Variants in FHIP1A observed in about 807,000 individuals in gnomAD.
The protein encoded by FHIP1A is FHF complex subunit HOOK-interacting protein 1A.
A neutral mutation model predicts 88.6 loss-of-function variants in FHIP1A; 61 were observed. That is an observed-to-expected ratio of 0.69 (90% CI 0.56 to 0.85). The LOEUF (loss-of-function observed/expected upper bound fraction) is 0.85. FHIP1A is among the 40% of genes least tolerant of loss of function. FHIP1A has a pLI of 0.00. For synonymous variants in FHIP1A, 478 were observed against 496.0 expected (o/e 0.96, Z 0.48); for missense variants, 1,154 against 1,273.5 (o/e 0.91, Z 1.43).
In FHIP1A at chr4:151,662,879, G is replaced by T; in HGVS notation, c.*125G>T. Reference sequence around the variant, plus strand: ...TGTTTCCTGACAATACTTGATTTGTGGGGAGGGGAATTTTCTGTATCTTTC... The same window carrying T: ...TGTTTCCTGACAATACTTGATTTGTTGGGAGGGGAATTTTCTGTATCTTTC... On this transcript the variant is annotated 3_prime_UTR_variant, in exon 14 of 14. Transcript: ENST00000435205. 1.1e-6 allele frequency: 1 copy of T among 952,012 alleles called. No individual in the cohort carries two copies. The highest frequency in any genetic ancestry group is 1.5e-6 in the Non-Finnish European group (1 of 679,710). The allele number at this position is 952,012 out of a possible 1,614,324, so 59.0% of individuals were successfully genotyped here.
chr4:151,454,828 C>T lies in FHIP1A; in HGVS notation c.-248+20C>T, dbSNP rs373896511. On this transcript the variant is annotated intron_variant, in intron 2 of 13. Transcript: ENST00000435205. ...GTTGAGGTAGGAATATTTATAAATACGTTCCTTAACTTTTAGCTTGTGTGT... is the reference window on the plus strand; with the variant it reads ...GTTGAGGTAGGAATATTTATAAATATGTTCCTTAACTTTTAGCTTGTGTGT... 1 of 152,028 alleles carries T rather than the reference C, an allele frequency of 6.6e-6. No individual in the cohort carries two copies. The allele number at this position is 152,028 out of a possible 1,614,324, so 9.4% of individuals were successfully genotyped here.
At chr4:151,521,450 A>G (rs1004153377) in intron 3 of FHIP1A, among the ~76,000 whole-genome samples, 2 of 152,152 alleles carry the variant, frequency 1.3e-5, no homozygotes, top group African/African-American at 2.4e-5. Context: ...GGACTACTAT[A>G]CTGGAAAACT....
intron 3 of FHIP1A, among the ~76,000 whole-genome samples, chr4:151,485,133 A>G (rs1018869222): frequency 2.6e-5 from 4 of 152,332 alleles, no homozygotes; most frequent in African/African-American, 7.2e-5. Context: ...CATTTTGCAC[A>G]TATCTTTTCA....
At chr4:151,412,442 C>G (rs1224620829) in intron 1 of FHIP1A, among the ~76,000 whole-genome samples, 1 of 152,114 alleles carries the variant, frequency 6.6e-6, no homozygotes, top group East Asian at 1.9e-4. Context: ...CTCTTTGCTC[C>G]TGTATATTGT....
intron 4 of FHIP1A, among the ~76,000 whole-genome samples, chr4:151,568,247 C>G (rs982460780): frequency 2.0e-5 from 3 of 152,176 alleles, no homozygotes; most frequent in South Asian, 2.1e-4. Context: ...ACATAGTACT[C>G]TCAGTGCAGA....
intron 5 of FHIP1A, among the ~76,000 whole-genome samples, chr4:151,585,729 A>G (rs1282793785): frequency 6.6e-6 from 1 of 152,340 alleles, no homozygotes; most frequent in East Asian, 1.9e-4. Flanking sequence ...TTGGTGACCA[A>G]GTTGGGTAAG....
chr4:151,591,447 T>C (rs1414133778), intron 7 of FHIP1A, among the ~76,000 whole-genome samples: 1 of 152,108 alleles, frequency 6.6e-6, no homozygotes, highest in East Asian at 1.9e-4. Context: ...TAATTCTTTA[T>C]TTATTTTTAT....
intron 7 of FHIP1A, among the ~76,000 whole-genome samples, chr4:151,626,784 C>G (rs1327416045): frequency 6.6e-6 from 1 of 152,164 alleles, no homozygotes; most frequent in Non-Finnish European, 1.5e-5. Flanking sequence ...GCTGATTGTC[C>G]TCCATAATGG....
intron 7 of FHIP1A, among the ~76,000 whole-genome samples, chr4:151,594,087 A>G (rs1734551012): frequency 1.3e-5 from 2 of 152,218 alleles, no homozygotes; most frequent in South Asian, 2.1e-4. Context: ...ATGTTGAACC[A>G]GCCTTGCATC....
At chr4:151,412,595 C>A (rs1732698682) in intron 1 of FHIP1A, among the ~76,000 whole-genome samples, 1 of 139,306 alleles carries the variant, frequency 7.2e-6, no homozygotes, top group African/African-American at 2.8e-5. Flanking sequence ...TTCCTTCCTT[C>A]CTTCCTTCCT....
chr4:151,492,184 A>T (rs1248121461), intron 3 of FHIP1A, among the ~76,000 whole-genome samples: 1 of 152,156 alleles, frequency 6.6e-6, no homozygotes, highest in Non-Finnish European at 1.5e-5. Context: ...ATTCCACCCA[A>T]CAACTGCAGA....
intron 3 of FHIP1A, among the ~76,000 whole-genome samples, chr4:151,514,716 A>C (rs1292438351): frequency 6.6e-6 from 1 of 152,034 alleles, no homozygotes; most frequent in African/African-American, 2.4e-5. Flanking sequence ...GAAATGGATA[A>C]ATTCCTCGAC....
At chr4:151,557,756 G>A (rs1317996051) in intron 3 of FHIP1A, among the ~76,000 whole-genome samples, 2 of 152,180 alleles carry the variant, frequency 1.3e-5, no homozygotes, top group Non-Finnish European at 2.9e-5. Context: ...TTTCTTGGAA[G>A]TACAGCATGG....
chr4:151,459,812 A>G (rs1729086748), intron 2 of FHIP1A, among the ~76,000 whole-genome samples: 1 of 152,174 alleles, frequency 6.6e-6, no homozygotes, highest in Non-Finnish European at 1.5e-5. Flanking sequence ...AAGTGTTAAT[A>G]CCCTTGTTGT....
intron 7 of FHIP1A, among the ~76,000 whole-genome samples, chr4:151,613,586 CA>C (rs143348196): frequency 1.3e-5 from 2 of 151,880 alleles, no homozygotes; most frequent in South Asian, 2.1e-4. Context: ...AACTAGGTTA[CA>C]AAAAAAAGCT....
At chr4:151,654,476 A>G (rs1737154841) in intron 11 of FHIP1A, among the ~76,000 whole-genome samples, 1 of 152,134 alleles carries the variant, frequency 6.6e-6, no homozygotes, top group South Asian at 2.1e-4. Flanking sequence ...GGATCATTTT[A>G]TGGTCATATG....
At chr4:151,437,926 ATATTT>A (rs1247641655) in intron 1 of FHIP1A, among the ~76,000 whole-genome samples, 1 of 152,212 alleles carries the variant, frequency 6.6e-6, no homozygotes, top group Non-Finnish European at 1.5e-5. Context: ...ATATGTTATT[ATATTT>A]TATCAGTATG....
chr4:151,495,849 T>G (rs1425745652), intron 3 of FHIP1A, among the ~76,000 whole-genome samples: 2 of 152,074 alleles, frequency 1.3e-5, no homozygotes, highest in African/African-American at 4.8e-5. Context: ...TGTTGAACTC[T>G]TGACCTCAGA....
rs975545915 is a variant in FHIP1A at position 151,622,321 on chromosome 4, C to T, written c.979-7381C>T. Among the ~76,000 whole-genome samples, 12 of 152,090 alleles carry T rather than the reference C, an allele frequency of 7.9e-5. No individual in the cohort carries two copies. The East Asian group carries it at 2.3e-3, about 29-fold the overall frequency. On this transcript the variant is annotated intron_variant, in intron 7 of 13. Transcript: ENST00000435205. ...TTAAATTACAGCAGGTGGAATCTCC[C>T]TTTATAATGAGGAGTACTTTCTTCT...
Sources: gnomAD v4.1 joint callset for allele counts (sites outside exome capture counted in the v4.1 genomes callset) on GRCh38, gnomAD v4.1.1 for gene constraint, MANE v1.5 for transcripts, NCBI Gene and HGNC (gene_info 2026-07-23, HGNC 2026-07-21) for gene names.